Variants in OCSTAMP observed in about 807,000 individuals in gnomAD.
The protein encoded by OCSTAMP is osteoclast stimulatory transmembrane protein.
OCSTAMP carries 17 observed loss-of-function variants against 25.2 expected under a neutral mutation model. The observed-to-expected ratio is 0.68, with a 90% CI of 0.46 to 1.01. The LOEUF (loss-of-function observed/expected upper bound fraction) is 1.01. Ranked by LOEUF, OCSTAMP falls within the 50% of genes least tolerant of loss-of-function variation. The pLI, the probability that OCSTAMP is intolerant of heterozygous loss-of-function variation, is 0.00. For synonymous variants in OCSTAMP, 345 were observed against 318.9 expected (o/e 1.08, Z -0.87); for missense variants, 664 against 694.6 (o/e 0.96, Z 0.50).
At position 46,545,750 on chromosome 20, in the gene OCSTAMP, C is replaced by T; in HGVS notation, c.624G>A (p.Leu208=). The T allele has an allele frequency of 6.4e-7, 1 of 1,551,626 alleles. No individual in the cohort carries two copies. The highest frequency in any genetic ancestry group is 8.7e-7 in the Non-Finnish European group (1 of 1,147,008). Reference sequence around the variant, plus strand: ...GGGACTCCAGGCCAGAGAAATCCTCCAGGACCTGCTGAGTGACCCTGAGCA... The same window carrying T: ...GGGACTCCAGGCCAGAGAAATCCTCTAGGACCTGCTGAGTGACCCTGAGCA... The part of the protein sequence containing the change: ...LHMLRVTQQV[L]EDFSGLESLA... The change falls in exon 2 of 3, where the codon CTG becomes CTA. Residue 208 remains leucine, a synonymous_variant. Coordinates refer to ENST00000279028, the MANE Select transcript of OCSTAMP (RefSeq NM_080721.3).
rs755213721 is a variant in OCSTAMP at position 46,546,269 on chromosome 20, G to A, written c.105C>T (p.Asp35=). Residue 35 remains aspartate (D), a synonymous_variant, in exon 2 of 3, where the codon GAC becomes GAT. Transcript: ENST00000279028. ...TGGCTGGAACAGGCTGGGAGAAGGC[G>A]TCCCAGGCAGCCTGCAGTGGGGCAA... The part of the protein sequence containing the change: ...KALAPLQAAW[D]AFSQPVPASC... The A allele has an allele frequency of 1.7e-5, 26 of 1,550,460 alleles. No individual in the cohort carries two copies. The highest frequency in any genetic ancestry group is 4.1e-5 in the African/African-American group (3 of 73,024).
rs1032679598 is a variant in OCSTAMP at position 46,541,570 on chromosome 20, C to G, written c.1405G>C (p.Val469Leu). Residue 469 changes from valine (V) to leucine (L), a missense_variant, in exon 3 of 3, where the codon GTC becomes CTC. Val to Leu is a conservative substitution (Grantham distance 32). Coordinates refer to ENST00000279028, the MANE Select transcript of OCSTAMP (RefSeq NM_080721.3). ...TTGCAGGCAGGTCTGGGTGTGGGGACGCAAGAAGGATCCCCTAGGGGCAGC... is the reference window on the plus strand; with the variant it reads ...TTGCAGGCAGGTCTGGGTGTGGGGAGGCAAGAAGGATCCCCTAGGGGCAGC... ...QQLPLGDPSCVPTPRPACKPP... is the reference protein window; with the variant it reads ...QQLPLGDPSCLPTPRPACKPP... 6 of 1,551,562 alleles carry G rather than the reference C, an allele frequency of 3.9e-6. No homozygotes were observed. In the African/African-American group the frequency reaches 8.2e-5, roughly 21 times the overall value.
chr20:46,542,074 T>C, intron 2 of OCSTAMP, 147 bp from the exon 3 acceptor site: 1 of 1,207,490 alleles, frequency 8.3e-7, no homozygotes, highest in Non-Finnish European at 1.1e-6. Flanking sequence ...GAGGACCCAA[T>C]GAGACTAGGA....
intron 1 of OCSTAMP, among the ~76,000 whole-genome samples, chr20:46,549,006 A>G (rs1288568121): frequency 6.6e-6 from 1 of 152,186 alleles, no homozygotes; most frequent in Non-Finnish European, 1.5e-5. Context: ...CACAAGGAAA[A>G]CAGTGTTAGG....
intron 1 of OCSTAMP, among the ~76,000 whole-genome samples, chr20:46,548,516 G>T (rs771291022): frequency 2.6e-5 from 4 of 152,336 alleles, no homozygotes; most frequent in Non-Finnish European, 5.9e-5. Context: ...ATGGATGCTT[G>T]AAGAGGAAGA....
At chr20:46,547,712 G>A (rs1224864709) in intron 1 of OCSTAMP, among the ~76,000 whole-genome samples, 3 of 152,140 alleles carry the variant, frequency 2.0e-5, no homozygotes, top group African/African-American at 4.8e-5. Context: ...CAGGAGAGAC[G>A]GGAAGGAGAA....
Position 46,550,618 on chromosome 20 carries a change from G to A in OCSTAMP, c.-58C>T. ...GTCGCTGGCAGCTGTGGCAGGTGGA[G>A]AGGAAGTGGGGGAATCGCTGGGACT... On this transcript the variant is annotated 5_prime_UTR_variant, in exon 1 of 3. Transcript: ENST00000279028. The A allele has an allele frequency of 6.7e-7, 1 of 1,490,906 alleles. No individual in the cohort carries two copies. Among genetic ancestry groups the A allele is most frequent in the Non-Finnish European group, 9.2e-7 (1 of 1,091,920 alleles). 92.4% of individuals were successfully genotyped at this position (1,490,906 alleles called of 1,614,324 possible).
Position 46,541,502 on chromosome 20 carries a change from GGTTCTTAAGGCATCCAGCCT to G in OCSTAMP, c.1453_1472del (p.Leu486GlufsTer3), listed in dbSNP as rs1319211772. ...CTTTCCCTTCTCCCTCACTGCTCTCGGTTCTTAAGGCATCCAGCCTGTAGTCTATCCATGCCGGAGGCTTG... is the reference window on the plus strand; with the variant it reads ...CTTTCCCTTCTCCCTCACTGCTCTCGGTAGTCTATCCATGCCGGAGGCTTG... On this transcript the variant is annotated frameshift_variant, in exon 3 of 3. Transcript: ENST00000279028. LOFTEE classifies it low-confidence loss of function (END_TRUNC). The G allele has an allele frequency of 3.9e-6, 6 of 1,551,590 alleles. No homozygotes were observed. The highest frequency in any genetic ancestry group is 5.2e-6 in the Non-Finnish European group (6 of 1,146,990).
At chr20:46,542,317 C>T (rs908566691) in intron 2 of OCSTAMP, among the ~76,000 whole-genome samples, 2 of 152,100 alleles carry the variant, frequency 1.3e-5, no homozygotes, top group Non-Finnish European at 2.9e-5. Flanking sequence ...CAGTGGCTCA[C>T]GCCTGTAATC....
intron 1 of OCSTAMP, among the ~76,000 whole-genome samples, chr20:46,547,052 AT>A (rs1165072244): frequency 1.3e-5 from 2 of 152,130 alleles, no homozygotes; most frequent in Non-Finnish European, 2.9e-5. Flanking sequence ...AGTCAACAAG[AT>A]TTGCAGAGGC....
rs565805074 is a variant in OCSTAMP, at chr20:46,541,724, G to A, written c.1251C>T (p.Leu417=). The change falls in exon 3 of 3, where the codon CTC becomes CTT. Residue 417 remains leucine, a synonymous_variant. Transcript: ENST00000279028. The part of the protein sequence containing the change: ...ALQLLAGSTV[L]LEAYARRLRH... Reference sequence around the variant, plus strand: ...GCAGGCGGCGGGCGTAGGCCTCCAGGAGCACCGTGGAGCCCGCCAGGAGCT... The same window carrying A: ...GCAGGCGGCGGGCGTAGGCCTCCAGAAGCACCGTGGAGCCCGCCAGGAGCT... 2.6e-6 allele frequency: 4 copies of A among 1,547,386 alleles called. No individual in the cohort carries two copies. The highest frequency in any genetic ancestry group is 2.4e-5 in the South Asian group (2 of 83,920).
rs942393617 is a variant in OCSTAMP at position 46,541,129 on chromosome 20, T to C, written c.*145A>G. On this transcript the variant is annotated 3_prime_UTR_variant, in exon 3 of 3. Coordinates refer to ENST00000279028, the MANE Select transcript of OCSTAMP (RefSeq NM_080721.3). ...GGCATATAAATAAGTTCCAGGAGCATTTCGAGAAATTCATGATGCAAGGTC... is the reference window on the plus strand; with the variant it reads ...GGCATATAAATAAGTTCCAGGAGCACTTCGAGAAATTCATGATGCAAGGTC... 6 of 605,828 alleles carry C rather than the reference T, an allele frequency of 9.9e-6. No homozygotes were observed. Among genetic ancestry groups the C allele is most frequent in the Admixed American group, 8.7e-5 (3 of 34,394 alleles). The allele number at this position is 605,828 out of a possible 1,614,324, so 37.5% of individuals were successfully genotyped here.
Position 46,546,230 on chromosome 20 carries a change from C to T in OCSTAMP, c.144G>A (p.Leu48=), listed in dbSNP as rs1181887155. 1.7e-5 allele frequency: 26 copies of T among 1,551,254 alleles called. 1 individual carries two copies. In the Admixed American group the frequency reaches 5.1e-4, roughly 30 times the overall value. Residue 48 remains leucine, a synonymous_variant, in exon 2 of 3, where the codon CTG becomes CTA. Transcript: ENST00000279028. ...AGGCACACAGGAGGAGCTGGGTCAG[C>T]AGCTGGCCACAGCTGGCTGGAACAG... ...SQPVPASCGQ[L]LTQLLLCASL... is the part of the protein sequence containing the mutation.
chr20:46,544,619 C>T (rs988368856), intron 2 of OCSTAMP, among the ~76,000 whole-genome samples: 52 of 152,140 alleles, frequency 3.4e-4, no homozygotes, highest in Non-Finnish European at 5.9e-4. Context: ...GTAATATATC[C>T]GATTATAAGT....
chr20:46,541,811 G>T lies in OCSTAMP; in HGVS notation c.1164C>A (p.Arg388=), dbSNP rs963265700. Residue 388 remains arginine, a synonymous_variant, in exon 3 of 3, where the codon CGC becomes CGA. Coordinates refer to ENST00000279028, the MANE Select transcript of OCSTAMP (RefSeq NM_080721.3). ...GACGCCGGGCGGGTAGCAGTGGGCA[G>T]CGGGCGGAGGTGAGGCGGAGCTCCC... ...YQWELRLTSA[R]CPLLPARRPR... The T allele has an allele frequency of 3.4e-6, 5 of 1,480,126 alleles. No homozygotes were observed. The highest frequency in any genetic ancestry group is 4.5e-6 in the Non-Finnish European group (5 of 1,119,898). 91.7% of individuals were successfully genotyped at this position (1,480,126 alleles called of 1,614,324 possible).
At position 46,541,450 on chromosome 20, in the gene OCSTAMP, A is replaced by C; in HGVS notation, c.1525T>G (p.Cys509Gly). The C allele has an allele frequency of 1.3e-6, 2 of 1,535,488 alleles. No homozygotes were observed. The highest frequency in any genetic ancestry group is 1.8e-6 in the Non-Finnish European group (2 of 1,132,228). ...KELWSCRDLS[C>G]NLGPVPPPCV... ...GGAGGCGGCACAGGACCAAGGTTAC[A>C]ACTCAGGTCTCTGCAACTCCAAAGC... The change falls in exon 3 of 3, where the codon TGT becomes GGT. Residue 509 changes from cysteine to glycine, a missense_variant. By Grantham distance (159) the Cys-to-Gly change is radical. Coordinates refer to ENST00000279028, the MANE Select transcript of OCSTAMP (RefSeq NM_080721.3).
In OCSTAMP at chr20:46,546,840, C is replaced by T. The variant is rs192614856; in HGVS notation, c.45-511G>A. Among the ~76,000 whole-genome samples the T allele has an allele frequency of 3.9e-5, 6 of 152,168 alleles. No homozygotes were observed. The East Asian group carries it at 1.2e-3, about 29-fold the overall frequency. ...GGGTGAGGAGGGTGAACTAGTTGGC[C>T]TGTGAGGGACTTTTATATTCTATCA... On this transcript the variant is annotated intron_variant, in intron 1 of 2. Coordinates refer to ENST00000279028, the MANE Select transcript of OCSTAMP (RefSeq NM_080721.3).
rs755213721 is a variant in OCSTAMP, at chr20:46,546,269, G to T, written c.105C>A (p.Asp35Glu). 1.6e-5 allele frequency: 25 copies of T among 1,550,460 alleles called. No individual in the cohort carries two copies. The East Asian group carries it at 6.1e-4, about 38-fold the overall frequency. Residue 35 changes from aspartate to glutamate, a missense_variant, in exon 2 of 3, where the codon GAC becomes GAA. Asp to Glu is a conservative substitution (Grantham distance 45). Coordinates refer to ENST00000279028, the MANE Select transcript of OCSTAMP (RefSeq NM_080721.3). ...KALAPLQAAW[D>E]AFSQPVPASC... is the part of the protein sequence containing the mutation. ...TGGCTGGAACAGGCTGGGAGAAGGC[G>T]TCCCAGGCAGCCTGCAGTGGGGCAA...
intron 1 of OCSTAMP, among the ~76,000 whole-genome samples, chr20:46,550,191 A>C (rs1568899555): frequency 1.3e-5 from 2 of 152,250 alleles, no homozygotes; most frequent in Non-Finnish European, 2.9e-5. Context: ...AGCCAGTCCT[A>C]AGTCATATTG....
Sources: gnomAD v4.1 joint callset for allele counts (sites outside exome capture counted in the v4.1 genomes callset) on GRCh38, gnomAD v4.1.1 for gene constraint, MANE v1.5 for transcripts, NCBI Gene and HGNC (gene_info 2026-07-23, HGNC 2026-07-21) for gene names.